The following PI4KA variants were observed in gnomAD, a reference collection of about 807,000 sequenced individuals.
PI4KA encodes phosphatidylinositol 4-kinase alpha.
Under a neutral mutation model 271.4 loss-of-function variants are expected in PI4KA, and 122 were observed. That is an observed-to-expected ratio of 0.45 (90% CI 0.39 to 0.52). The LOEUF (loss-of-function observed/expected upper bound fraction) is 0.52. PI4KA is among the 20% of genes least tolerant of loss of function. PI4KA has a pLI of 0.00. For synonymous variants in PI4KA, 1,041 were observed against 1,078.8 expected (o/e 0.96, Z 0.69); for missense variants, 1,969 against 2,769.1 (o/e 0.71, Z 6.48).
chr22:20,825,610 A>C (rs1212071060), intron 3 of PI4KA, among the ~76,000 whole-genome samples: 2 of 152,112 alleles, frequency 1.3e-5, no homozygotes, highest in Non-Finnish European at 2.9e-5. Flanking sequence ...AAAACAAAAA[A>C]CAAACAAAAT....
chr22:20,828,394 G>A (rs1923716623), intron 3 of PI4KA, among the ~76,000 whole-genome samples: 1 of 152,142 alleles, frequency 6.6e-6, no homozygotes, highest in East Asian at 1.9e-4. Context: ...GAACTATGCT[G>A]GATAGGAGAG....
intron 32 of PI4KA, among the ~76,000 whole-genome samples, chr22:20,735,738 G>A (rs901085019): frequency 4.6e-5 from 7 of 152,252 alleles, no homozygotes; most frequent in African/African-American, 1.4e-4. Flanking sequence ...GGAGCCCGGG[G>A]CGGGGCTCTG....
At position 20,742,252 on chromosome 22, in the gene PI4KA, A is replaced by G; in HGVS notation, c.3717T>C (p.Ala1239=). 1 of 1,614,156 alleles carries G rather than the reference A, an allele frequency of 6.2e-7. No homozygotes were observed. Among genetic ancestry groups the G allele is most frequent in the Non-Finnish European group, 8.5e-7 (1 of 1,180,012 alleles). Residue 1239 remains alanine (A), a synonymous_variant, in exon 32 of 55, where the codon GCT becomes GCC. Transcript: ENST00000255882. ...CCGGCACTTCCACTCCATCCTTGCC[A>G]GCCAGCAGCCACTCCCAGCAGGCCA... ...TALACWEWLL[A]GKDGVEVPFM...
At chr22:20,778,264 GCT>G (rs1362381544) in intron 19 of PI4KA, among the ~76,000 whole-genome samples, 5 of 152,122 alleles carry the variant, frequency 3.3e-5, no homozygotes, top group African/African-American at 1.2e-4. Context: ...ACTTTGGGGG[GCT>G]GAGGTGGGTG....
intron 23 of PI4KA, among the ~76,000 whole-genome samples, chr22:20,758,338 T>C (rs1309529111): frequency 8.4e-6 from 1 of 119,342 alleles, no homozygotes; most frequent in Non-Finnish European, 1.6e-5. Context: ...GCACTCCAGC[T>C]TGGGCAACAG....
intron 19 of PI4KA, among the ~76,000 whole-genome samples, chr22:20,792,324 G>T (rs1934695617): frequency 6.6e-6 from 1 of 152,150 alleles, no homozygotes; most frequent in African/African-American, 2.4e-5. Flanking sequence ...GAGACCAGGA[G>T]AGGTGCCTCT....
At chr22:20,809,445 G>A (rs1368808902) in intron 9 of PI4KA, among the ~76,000 whole-genome samples, 7 of 144,406 alleles carry the variant, frequency 4.8e-5, no homozygotes, top group Non-Finnish European at 9.1e-5. Flanking sequence ...TTTTTTTTTA[G>A]CTATGAAACT....
chr22:20,801,569 G>A (rs1440320236), intron 14 of PI4KA, among the ~76,000 whole-genome samples: 1 of 148,604 alleles, frequency 6.7e-6, no homozygotes, highest in East Asian at 2.1e-4. Flanking sequence ...CCAGGCAACA[G>A]TGCAAGACTG....
intron 47 of PI4KA, among the ~76,000 whole-genome samples, chr22:20,713,708 T>C (rs543900244): frequency 3.3e-5 from 5 of 152,210 alleles, no homozygotes; most frequent in Non-Finnish European, 1.5e-5. Context: ...GCAGGAGGAA[T>C]GTGTCTGTAC....
At chr22:20,833,479 G>A (rs1924455944) in intron 3 of PI4KA, among the ~76,000 whole-genome samples, 2 of 152,158 alleles carry the variant, frequency 1.3e-5, no homozygotes, top group Admixed American at 1.3e-4. Flanking sequence ...GGCCGCTGGG[G>A]TCTGTGTGCA....
At position 20,780,142 on chromosome 22, in the gene PI4KA, C is replaced by T. The variant is rs115355953; in HGVS notation, c.2328+13051G>A. ...CTCACCAAGGGCCTCATAAAAGATGCTCTGGAGAATATAGACCCTGCTACC... is the reference window on the plus strand; with the variant it reads ...CTCACCAAGGGCCTCATAAAAGATGTTCTGGAGAATATAGACCCTGCTACC... On this transcript the variant is annotated intron_variant, in intron 19 of 54. Transcript: ENST00000255882. 3.3e-4 allele frequency: 539 copies of T among 1,614,198 alleles called. 2 individuals carry two copies. In the African/African-American group the frequency reaches 6.4e-3, roughly 19 times the overall value.
intron 3 of PI4KA, among the ~76,000 whole-genome samples, chr22:20,828,167 G>A (rs1923686877): frequency 6.6e-6 from 1 of 152,068 alleles, no homozygotes; most frequent in Non-Finnish European, 1.5e-5. Context: ...GGATGTTGTT[G>A]GTGTATAGGA....
chr22:20,779,911 A>C, intron 19 of PI4KA: 1 of 1,614,178 alleles, frequency 6.2e-7, no homozygotes, highest in Admixed American at 1.7e-5. Flanking sequence ...ACCATTCATA[A>C]TCTCTTCCGT....
intron 16 of PI4KA, 56 bp downstream of exon 16, chr22:20,799,037 A>C: frequency 7.0e-7 from 1 of 1,419,286 alleles, no homozygotes; most frequent in Non-Finnish European, 9.8e-7. Flanking sequence ...CTTATAGTCA[A>C]GAGTTTAACG....
intron 27 of PI4KA, among the ~76,000 whole-genome samples, chr22:20,750,735 C>T (rs534283728): frequency 1.3e-5 from 2 of 152,366 alleles, no homozygotes; most frequent in East Asian, 3.9e-4. Context: ...AGAGGTAGGA[C>T]ATGACTCAGC....
chr22:20,805,189 C>T (rs1935576411), intron 10 of PI4KA, 24 bp from the exon 11 acceptor site: 2 of 1,561,140 alleles, frequency 1.3e-6, no homozygotes, highest in African/African-American at 1.4e-5. Flanking sequence ...TGTGGCATCA[C>T]AGCTGGGAAC....
intron 1 of PI4KA, among the ~76,000 whole-genome samples, chr22:20,858,021 T>G (rs889286904): frequency 6.6e-6 from 1 of 152,078 alleles, no homozygotes; most frequent in Non-Finnish European, 1.5e-5. Flanking sequence ...CCCAGCCTCG[T>G]AGAATAACAC....
At chr22:20,781,108 G>A (rs1569025776) in intron 19 of PI4KA, among the ~76,000 whole-genome samples, 1 of 152,144 alleles carries the variant, frequency 6.6e-6, no homozygotes, top group Admixed American at 6.5e-5. Flanking sequence ...TATTTCCCCA[G>A]CAACTGTTCT....
intron 4 of PI4KA, among the ~76,000 whole-genome samples, 182 bp downstream of exon 4, chr22:20,824,144 C>G (rs1049438454): frequency 6.6e-6 from 1 of 151,046 alleles, no homozygotes; most frequent in Non-Finnish European, 1.5e-5. Flanking sequence ...TAAGATAAGA[C>G]TCGAGATCCT....
Sources: gnomAD v4.1 joint callset for allele counts (sites outside exome capture counted in the v4.1 genomes callset) on GRCh38, gnomAD v4.1.1 for gene constraint, MANE v1.5 for transcripts, NCBI Gene and HGNC (gene_info 2026-07-23, HGNC 2026-07-21) for gene names.